KANK3: variants seen among roughly 807,000 people sequenced by gnomAD.
KANK3 encodes KN motif and ankyrin repeat domain-containing protein 3.
KANK3 carries 61 observed loss-of-function variants against 65.4 expected under a neutral mutation model. The observed-to-expected ratio is 0.93, with a 90% CI of 0.76 to 1.15. The LOEUF (loss-of-function observed/expected upper bound fraction) is 1.15. Ranked by LOEUF, KANK3 falls within the 50% of genes most tolerant of loss-of-function variation. The pLI is 0.00. For missense variants in KANK3, 1,187 were observed against 1,178.8 expected, an observed-to-expected ratio of 1.01 and a Z score of -0.10; for synonymous variants, 586 against 543.3, an observed-to-expected ratio of 1.08 and a Z score of -1.09.
rs1474096507 is a variant in KANK3 at position 8,335,457 on chromosome 19, G to C, written c.370C>G (p.Pro124Ala). ...LLMQPLSPRA[P>A]VRNPRVEHTL... ...TGCTCGACGCGCGGGTTGCGCACGG[G>C]CGCGCGCGGCGACAGCGGCTGCATC... Residue 124 changes from proline to alanine, a missense_variant, in exon 3 of 11, where the codon CCC becomes GCC. Transcript: ENST00000330915. 7 of 1,228,582 alleles carry C rather than the reference G, an allele frequency of 5.7e-6. No homozygotes were observed. The highest frequency in any genetic ancestry group is 7.1e-6 in the Non-Finnish European group (7 of 983,250). The allele number at this position is 1,228,582 out of a possible 1,614,324, so 76.1% of individuals were successfully genotyped here. A position where few individuals can be genotyped will look rare whatever the true frequency, so the allele number is the denominator to read the frequency against.
Position 8,333,263 on chromosome 19 carries a change from G to C in KANK3, c.1720-33C>G. 1 of 1,556,732 alleles carries C rather than the reference G, an allele frequency of 6.4e-7. No homozygotes were observed. Among genetic ancestry groups the C allele is most frequent in the Non-Finnish European group, 8.8e-7 (1 of 1,142,044 alleles). On this transcript the variant is annotated intron_variant, in intron 6 of 10. Transcript: ENST00000330915. The surrounding 1 kb of genome is among the most constrained non-coding windows in gnomAD (Gnocchi z 5.0). The stretch of plus-strand genomic sequence containing the variant: ...GGACAGGGGCCAAGATAACATCGGC[G>C]ATGGTCCACGGCGGCGCCGTGGTGG...
intron 7 of KANK3, among the ~76,000 whole-genome samples, chr19:8,326,065 G>A (rs936926420): frequency 2.6e-5 from 4 of 152,062 alleles, no homozygotes; most frequent in Admixed American, 6.6e-5. Flanking sequence ...CTCATGATTC[G>A]CTTGCCTCAG....
chr19:8,338,099 G>A, intron 1 of KANK3: 1 of 404,848 alleles, frequency 2.5e-6, no homozygotes, highest in Non-Finnish European at 3.2e-6. Context: ...TCGGCTCATT[G>A]CAGCCTCCCC....
intron 1 of KANK3, among the ~76,000 whole-genome samples, chr19:8,341,730 A>G (rs1044600405): frequency 1.1e-4 from 17 of 152,216 alleles, no homozygotes; most frequent in African/African-American, 4.1e-4. Context: ...GGCTCAAGCA[A>G]TCTTCCCAGT....
Position 8,334,050 on chromosome 19 carries a change from C to T in KANK3, c.1494G>A (p.Glu498=), listed in dbSNP as rs1402762624. Residue 498 remains glutamate (E), a synonymous_variant, in exon 5 of 11, where the codon GAG becomes GAA. Transcript: ENST00000330915. ...SDGDSENGGA[E]PPGSSSGSGD... ...CGGAGCCCGAGGAGCTACCCGGGGGCTCGGCGCCACCGTTCTCGCTGTCGC... is the reference window on the plus strand; with the variant it reads ...CGGAGCCCGAGGAGCTACCCGGGGGTTCGGCGCCACCGTTCTCGCTGTCGC... 6 of 1,539,896 alleles carry T rather than the reference C, an allele frequency of 3.9e-6. No individual in the cohort carries two copies. Among genetic ancestry groups the T allele is most frequent in the Non-Finnish European group, 5.2e-6 (6 of 1,147,922 alleles).
chr19:8,340,275 C>CGTATATATATATATATATATAT (rs780229218), intron 1 of KANK3, among the ~76,000 whole-genome samples: 1 of 66,104 alleles, frequency 1.5e-5, no homozygotes, highest in African/African-American at 6.9e-5. Context: ...AAAAAAAAAC[C>CGTATATATATATATATATATAT]ATATATATAT....
In KANK3 at chr19:8,335,369, G is replaced by A. The variant is rs1212128925; in HGVS notation, c.458C>T (p.Pro153Leu). The change falls in exon 3 of 11, where the codon CCC becomes CTC. Residue 153 changes from proline (P) to leucine (L), a missense_variant. This residue lies in a region of KANK3 where 1,078 missense variants were observed against 1,038.2 expected (regional missense o/e 1.04). Coordinates refer to ENST00000330915, the MANE Select transcript of KANK3 (RefSeq NM_198471.3). Reference sequence around the variant, plus strand: ...TGGGCTGCGCGGGACCCCGCGGCCGGGGCTGGGCGCGCGCTCGTGTGTCTG... The same window carrying A: ...TGGGCTGCGCGGGACCCCGCGGCCGAGGCTGGGCGCGCGCTCGTGTGTCTG... Reference protein sequence around the residue: ...LAQTHERAPSPGRGVPRSPRG... With the variant: ...LAQTHERAPSLGRGVPRSPRG... 46 of 1,196,652 alleles carry A rather than the reference G, an allele frequency of 3.8e-5. No individual in the cohort carries two copies. Among genetic ancestry groups the A allele is most frequent in the Non-Finnish European group, 4.8e-5 (46 of 965,824 alleles). 74.1% of individuals were successfully genotyped at this position (1,196,652 alleles called of 1,614,324 possible).
chr19:8,334,735 G>A lies in KANK3; in HGVS notation c.1092C>T (p.His364=). Residue 364 remains histidine (H), a synonymous_variant, in exon 3 of 11, where the codon CAC becomes CAT. Transcript: ENST00000330915. ...GCAGAAGCTCACTCACCCCGCGCTG[G>A]TGCTCCAGACTGGCGCGCAGCAGCT... ...ELELLRASLE[H]QRGVSELLRG... 1 of 1,529,568 alleles carries A rather than the reference G, an allele frequency of 6.5e-7. No individual in the cohort carries two copies. The highest frequency in any genetic ancestry group is 8.7e-7 in the Non-Finnish European group (1 of 1,145,126). The allele number at this position is 1,529,568 out of a possible 1,614,324, so 94.7% of individuals were successfully genotyped here.
At chr19:8,328,718 G>T (rs549430811) in intron 7 of KANK3, among the ~76,000 whole-genome samples, 2 of 152,238 alleles carry the variant, frequency 1.3e-5, no homozygotes, top group African/African-American at 4.8e-5. Context: ...GGGTCGGGAA[G>T]TGGGGAGCTG....
chr19:8,335,600 G>A lies in KANK3; in HGVS notation c.227C>T (p.Pro76Leu), dbSNP rs984034380. The A allele has an allele frequency of 6.5e-6, 8 of 1,232,176 alleles. No individual in the cohort carries two copies. The highest frequency in any genetic ancestry group is 8.1e-6 in the Non-Finnish European group (8 of 983,360). 76.3% of individuals were successfully genotyped at this position (1,232,176 alleles called of 1,614,324 possible). A position where few individuals can be genotyped will look rare whatever the true frequency, so the allele number is the denominator to read the frequency against. The change falls in exon 3 of 11, where the codon CCC becomes CTC. Residue 76 changes from proline (P) to leucine (L), a missense_variant. By Grantham distance (98) the Pro-to-Leu change is moderately conservative. Transcript: ENST00000330915. ...ACGTGCGCCCGCGAGGCCGGGCCGG[G>A]GCGCGCGGGGACGGCGCGAGGTCGG... is the stretch of plus-strand genomic sequence containing the variant. Reference protein sequence around the residue: ...GPPTSRRPRAPRPGLAGARSP... With the variant: ...GPPTSRRPRALRPGLAGARSP...
chr19:8,323,232 A>G (rs1003387778), intron 10 of KANK3: 5 of 212,762 alleles, frequency 2.4e-5, no homozygotes, highest in East Asian at 2.0e-4. Flanking sequence ...ACAGCTTAGC[A>G]TGGTCCATCT....
In KANK3 at chr19:8,334,778, G is replaced by A. The variant is rs1970599303; in HGVS notation, c.1049C>T (p.Ala350Val). ...VTEALLGLPAAAERELELLRA... is the reference protein window; with the variant it reads ...VTEALLGLPAVAERELELLRA... ...CAGCAGCTCTAGCTCGCGCTCGGCG[G>A]CCGCAGGCAGCCCCAGCAGCGCCTC... The change falls in exon 3 of 11, where the codon GCC becomes GTC. Residue 350 changes from alanine to valine, a missense_variant. By Grantham distance (64) the Ala-to-Val change is moderately conservative. Around this residue, in one of 3 missense-constraint regions of KANK3, gnomAD observed 1,078 missense variants for 1,038.2 expected, o/e 1.04. Coordinates refer to ENST00000330915, the MANE Select transcript of KANK3 (RefSeq NM_198471.3). 1 of 1,499,768 alleles carries A rather than the reference G, an allele frequency of 6.7e-7. No individual in the cohort carries two copies. Among genetic ancestry groups the A allele is most frequent in the South Asian group, 1.2e-5 (1 of 80,378 alleles). 92.9% of individuals were successfully genotyped at this position (1,499,768 alleles called of 1,614,324 possible).
intron 7 of KANK3, among the ~76,000 whole-genome samples, chr19:8,328,267 A>C (rs1487329766): frequency 6.6e-6 from 1 of 151,982 alleles, no homozygotes; most frequent in African/African-American, 2.4e-5. Context: ...TTTAAAAAGA[A>C]TCACCCTTTG....
At chr19:8,341,932 G>C (rs1408683613) in intron 1 of KANK3, among the ~76,000 whole-genome samples, 3 of 152,236 alleles carry the variant, frequency 2.0e-5, no homozygotes, top group Non-Finnish European at 4.4e-5. Flanking sequence ...TAAACAGGCA[G>C]AGGCAGGTTT....
chr19:8,334,543 G>A lies in KANK3; in HGVS notation c.1284C>T (p.Ser428=), dbSNP rs748813255. 1 of 1,602,178 alleles carries A rather than the reference G, an allele frequency of 6.2e-7. No individual in the cohort carries two copies. Among genetic ancestry groups the A allele is most frequent in the Non-Finnish European group, 8.5e-7 (1 of 1,179,410 alleles). Residue 428 remains serine (S), a synonymous_variant, in exon 3 of 11, where the codon AGC becomes AGT. Transcript: ENST00000330915. ...PAEAPSLTQE[S]SPGSMDGDRA... ...TGTCTCCGTCCATGGATCCGGGCGA[G>A]CTCTCCTGAGTCAAGGAGGGCGCCT...
Position 8,333,602 on chromosome 19 carries a change from C to T in KANK3, c.1719+122G>A, listed in dbSNP as rs1283717771. The T allele has an allele frequency of 3.8e-6, 3 of 779,804 alleles. No individual in the cohort carries two copies. The highest frequency in any genetic ancestry group is 6.5e-5 in the Admixed American group (2 of 30,724). 48.3% of individuals were successfully genotyped at this position (779,804 alleles called of 1,614,324 possible). On this transcript the variant is annotated intron_variant, in intron 6 of 10. Transcript: ENST00000330915. This position sits in a 1 kb window ranked among gnomAD's most constrained non-coding sequence, Gnocchi z 5.0. Reference sequence around the variant, plus strand: ...TGGGAAGGAGATCCCTTCGGAGAGCCTGGGGTCAGGCGAGGTGCCTGGCGG... The same window carrying T: ...TGGGAAGGAGATCCCTTCGGAGAGCTTGGGGTCAGGCGAGGTGCCTGGCGG...
At chr19:8,329,362 C>T (rs992019099) in intron 7 of KANK3, among the ~76,000 whole-genome samples, 5 of 151,414 alleles carry the variant, frequency 3.3e-5, no homozygotes, top group African/African-American at 9.7e-5. Context: ...TGGCGCTTGC[C>T]AGTAATCCCA....
In KANK3 at chr19:8,335,006, C is replaced by G; in HGVS notation, c.821G>C (p.Gly274Ala). Residue 274 changes from glycine (G) to alanine (A), a missense_variant, in exon 3 of 11, where the codon GGC (glycine) becomes GCC (alanine). Physicochemically the swap from Gly to Ala is moderately conservative, Grantham distance 60 (BLOSUM62 0). Transcript: ENST00000330915. Reference protein sequence around the residue: ...RASPRADSPDGLAAGRSEGAL... With the variant: ...RASPRADSPDALAAGRSEGAL... ...GCCCTCGCTGCGCCCTGCAGCCAGG[C>G]CGTCTGGGCTGTCAGCCCGGGGGCT... 1 of 1,473,616 alleles carries G rather than the reference C, an allele frequency of 6.8e-7. No individual in the cohort carries two copies. The highest frequency in any genetic ancestry group is 8.9e-7 in the Non-Finnish European group (1 of 1,122,074). 91.3% of individuals were successfully genotyped at this position (1,473,616 alleles called of 1,614,324 possible).
chr19:8,335,155 C>A lies in KANK3; in HGVS notation c.672G>T (p.Leu224=). 1 of 1,218,064 alleles carries A rather than the reference C, an allele frequency of 8.2e-7. No individual in the cohort carries two copies. Among genetic ancestry groups the A allele is most frequent in the Non-Finnish European group, 1.0e-6 (1 of 980,360 alleles). 75.5% of individuals were successfully genotyped at this position (1,218,064 alleles called of 1,614,324 possible). The change falls in exon 3 of 11, where the codon CTG becomes CTT. Residue 224 remains leucine, a synonymous_variant. Transcript: ENST00000330915. ...GCTCGGGCTGCGCGCGCCCGGCCAG[C>A]AGCCGCGCCTTCTCGGCGCGCAGCG... ...VRALRAEKAR[L]LAGRAQPEPD...
Sources: gnomAD v4.1 joint callset for allele counts (sites outside exome capture counted in the v4.1 genomes callset) on GRCh38, gnomAD v4.1.1 for gene constraint, gnomAD v4.1.1 regional missense constraint, Gnocchi (gnomAD v3.1) non-coding constraint, MANE v1.5 for transcripts, NCBI Gene and HGNC (gene_info 2026-07-23, HGNC 2026-07-21) for gene names.